Variants in CERCAM observed in about 807,000 individuals in gnomAD.
The protein encoded by CERCAM is inactive glycosyltransferase 25 family member 3.
In CERCAM, 59 loss-of-function variants were observed where a neutral mutation model predicts 66.0. That is an observed-to-expected ratio of 0.89 (90% confidence interval 0.73 to 1.11). The LOEUF (loss-of-function observed/expected upper bound fraction) is 1.11. CERCAM is among the 50% of genes most tolerant of loss of function. CERCAM has a pLI of 0.00. For missense variants in CERCAM, 840 were observed against 828.3 expected, an observed-to-expected ratio of 1.01 and a Z score of -0.17; for synonymous variants, 318 against 343.6, an observed-to-expected ratio of 0.93 and a Z score of 0.83.
chr9:128,428,753 G>A lies in CERCAM; in HGVS notation c.887-4G>A. ...TCGTGCTTGGGGTGTGCTTCCCTTT[G>A]CAGTGGACGGCCCCCGCATGCAGGC... On this transcript the variant is annotated splice_region_variant and splice_polypyrimidine_tract_variant and intron_variant, in intron 6 of 12. Coordinates refer to ENST00000372838, the MANE Select transcript of CERCAM (RefSeq NM_016174.5). 6.2e-7 allele frequency: 1 copy of A among 1,613,910 alleles called. No individual in the cohort carries two copies. Among genetic ancestry groups the A allele is most frequent in the Middle Eastern group, 1.7e-4 (1 of 6,058 alleles).
chr9:128,432,511 G>T (rs530892728), intron 9 of CERCAM, among the ~76,000 whole-genome samples: 1 of 149,508 alleles, frequency 6.7e-6, no homozygotes, highest in Admixed American at 6.7e-5. Context: ...CAGCACCCCC[G>T]AGGAGCTGAA....
chr9:128,430,578 C>T (rs1833952060), intron 8 of CERCAM, among the ~76,000 whole-genome samples: 1 of 152,084 alleles, frequency 6.6e-6, no homozygotes, highest in Non-Finnish European at 1.5e-5. Context: ...TTTGCTTGGG[C>T]CTCTGCCCAA....
intron 8 of CERCAM, among the ~76,000 whole-genome samples, chr9:128,430,187 C>G (rs1833943032): frequency 6.6e-6 from 1 of 152,090 alleles, no homozygotes; most frequent in Admixed American, 6.5e-5. Context: ...CACCTGAGGT[C>G]AGGAGTTCGA....
In CERCAM at chr9:128,429,000, A is replaced by C. The variant is rs754624787; in HGVS notation, c.1034A>C (p.Glu345Ala). 3 of 1,610,756 alleles carry C rather than the reference A, an allele frequency of 1.9e-6. No homozygotes were observed. The East Asian group carries it at 6.7e-5, about 36-fold the overall frequency. The change falls in exon 8 of 13, where the codon GAG becomes GCG. Residue 345 changes from glutamate to alanine, a missense_variant. By Grantham distance (107) the Glu-to-Ala change is moderately radical. Coordinates refer to ENST00000372838, the MANE Select transcript of CERCAM (RefSeq NM_016174.5). ...ATGCTCGCCTCGCTCTGGGAGATGG[A>C]GATCTCTGGGAGGGTGGTGGACGCT... ...ERMLASLWEM[E>A]ISGRVVDAVD...
At chr9:128,432,785 C>T (rs932017187) in intron 9 of CERCAM, among the ~76,000 whole-genome samples, 1 of 152,136 alleles carries the variant, frequency 6.6e-6, no homozygotes, top group African/African-American at 2.4e-5. Context: ...ATCAAAAGTA[C>T]TTTTTCTTTT....
At chr9:128,432,468 T>C (rs2131341132) in intron 9 of CERCAM, among the ~76,000 whole-genome samples, 1 of 150,598 alleles carries the variant, frequency 6.6e-6, no homozygotes, top group South Asian at 2.1e-4. Context: ...CACTGCAGCC[T>C]GGACCTCCCG....
rs1834045036 is a variant in CERCAM, at chr9:128,434,121, C to T, written c.1223C>T (p.Ala408Val). 1 of 1,614,102 alleles carries T rather than the reference C, an allele frequency of 6.2e-7. No homozygotes were observed. The highest frequency in any genetic ancestry group is 1.3e-5 in the African/African-American group (1 of 75,032). ...CCACAGGTGGTTGCCAGGGGCCTGGCCCGGGTCCTGGTGTTTGAGGATGAC... is the reference window on the plus strand; with the variant it reads ...CCACAGGTGGTTGCCAGGGGCCTGGTCCGGGTCCTGGTGTTTGAGGATGAC... ...IWEEVVARGL[A>V]RVLVFEDDVR... The change falls in exon 10 of 13, where the codon GCC becomes GTC. Residue 408 changes from alanine to valine, a missense_variant. Ala to Val is a moderately conservative substitution (Grantham distance 64). Transcript: ENST00000372838. This position sits in a 1 kb window ranked among gnomAD's most constrained non-coding sequence, Gnocchi z 4.5.
intron 9 of CERCAM, among the ~76,000 whole-genome samples, chr9:128,432,532 C>A (rs1159664338): frequency 6.6e-6 from 1 of 151,304 alleles, no homozygotes; most frequent in Admixed American, 6.6e-5. Flanking sequence ...ACTACAGGCG[C>A]GCACCACCAC....
At chr9:128,433,796 G>A (rs1834035513) in intron 9 of CERCAM, among the ~76,000 whole-genome samples, 2 of 152,196 alleles carry the variant, frequency 1.3e-5, no homozygotes, top group Non-Finnish European at 2.9e-5. Context: ...CTGCGATTGA[G>A]GATCATCATC....
chr9:128,428,885 C>T (rs768784514), intron 7 of CERCAM, 45 bp from the exon 8 acceptor site: 6 of 1,605,888 alleles, frequency 3.7e-6, no homozygotes, highest in African/African-American at 1.3e-5. Context: ...GGGCCCTCCT[C>T]TTCCGCTCCC....
chr9:128,421,434 G>C, intron 1 of CERCAM: 5 of 1,030,378 alleles, frequency 4.9e-6, no homozygotes, highest in Non-Finnish European at 5.8e-6. Flanking sequence ...GATTTGAAGA[G>C]GAGCAGACAG....
Position 128,432,886 on chromosome 9 carries a change from G to A in CERCAM, c.1204-1216G>A, listed in dbSNP as rs192825936. On this transcript the variant is annotated intron_variant, in intron 9 of 12. Coordinates refer to ENST00000372838, the MANE Select transcript of CERCAM (RefSeq NM_016174.5). ...GGCCAGGCCAGGTGCGGTGGCTCAC[G>A]CCTGTAATCCCAGCTGAGGCAGACA... is the stretch of plus-strand genomic sequence containing the variant. Among the ~76,000 whole-genome samples, 11 of 151,754 alleles carry A rather than the reference G, an allele frequency of 7.2e-5. No individual in the cohort carries two copies. In the East Asian group the frequency reaches 9.7e-4, roughly 13 times the overall value.
chr9:128,428,341 A>G lies in CERCAM; in HGVS notation c.806A>G (p.Tyr269Cys). 3 of 1,614,168 alleles carry G rather than the reference A, an allele frequency of 1.9e-6. No homozygotes were observed. The highest frequency in any genetic ancestry group is 2.2e-5 in the South Asian group (2 of 91,080). The change falls in exon 6 of 13, where the codon TAC (tyrosine) becomes TGC (cysteine). Residue 269 changes from tyrosine (Y) to cysteine (C), a missense_variant. Transcript: ENST00000372838. ...VHVCNEHRYG[Y>C]MNVPVKSHQG... ...GTGTGCAATGAGCACCGTTATGGGT[A>G]CATGAATGTGCCGGTGAAATCCCAC...
intron 3 of CERCAM, 87 bp downstream of exon 3, chr9:128,423,350 C>T: frequency 1.8e-6 from 2 of 1,098,830 alleles, no homozygotes; most frequent in Middle Eastern, 2.2e-4. Context: ...GGTGCAGTGG[C>T]TCACGCCTAT....
At chr9:128,432,427 C>G (rs1040346149) in intron 9 of CERCAM, among the ~76,000 whole-genome samples, 2 of 149,960 alleles carry the variant, frequency 1.3e-5, no homozygotes, top group Admixed American at 1.3e-4. Context: ...CTCTGGCACC[C>G]AGGCGGGAGT....
In CERCAM at chr9:128,432,992, G is replaced by A. The variant is rs1408446142; in HGVS notation, c.1204-1110G>A. On this transcript the variant is annotated intron_variant, in intron 9 of 12. Transcript: ENST00000372838. ...CTACTAAAAATACAAAAATTAGCCC[G>A]GCGTTGGCCGGGCGCCGTGGCTCAC... Among the ~76,000 whole-genome samples the A allele has an allele frequency of 3.3e-5, 5 of 152,014 alleles. No homozygotes were observed. The East Asian group carries it at 5.9e-4, about 18-fold the overall frequency.
At chr9:128,421,613 T>A in intron 1 of CERCAM, 1 of 816,798 alleles carries the variant, frequency 1.2e-6, no homozygotes, top group Non-Finnish European at 1.5e-6. Flanking sequence ...TAGATCTTGG[T>A]AGAGGGGCGG....
chr9:128,435,606 A>G, intron 11 of CERCAM, 47 bp from the exon 12 acceptor site: 4 of 1,542,260 alleles, frequency 2.6e-6, no homozygotes, highest in Non-Finnish European at 3.5e-6. Context: ...GTGTCCGGGG[A>G]GTAGGGGCCC....
chr9:128,433,076 G>A (rs949545010), intron 9 of CERCAM, among the ~76,000 whole-genome samples: 9 of 152,146 alleles, frequency 5.9e-5, no homozygotes, highest in African/African-American at 1.7e-4. Context: ...TCAGGAGATC[G>A]AGACCATCCT....
Sources: gnomAD v4.1 joint callset for allele counts (sites outside exome capture counted in the v4.1 genomes callset) on GRCh38, gnomAD v4.1.1 for gene constraint, Gnocchi (gnomAD v3.1) non-coding constraint, MANE v1.5 for transcripts, NCBI Gene and HGNC (gene_info 2026-07-23, HGNC 2026-07-21) for gene names.